GIGYF2: variants seen among roughly 807,000 people sequenced by gnomAD.
GIGYF2 encodes GRB10-interacting GYF protein 2.
GIGYF2 carries 25 observed loss-of-function variants against 208.1 expected under a neutral mutation model. The ratio of observed to expected loss-of-function variants is 0.12; its 90% CI spans 0.09 to 0.17. The LOEUF (loss-of-function observed/expected upper bound fraction) is 0.17. Among genes scored for constraint, GIGYF2 ranks in the 10% least tolerant of loss-of-function variants. The pLI, the probability that GIGYF2 is intolerant of heterozygous loss-of-function variation, is 1.00. For synonymous variants in GIGYF2, 534 were observed against 543.8 expected (o/e 0.98, Z 0.25); for missense variants, 1,302 against 1,579.4 (o/e 0.82, Z 2.98).
intron 21 of GIGYF2, among the ~76,000 whole-genome samples, chr2:232,827,152 C>T (rs1239139246): frequency 2.0e-5 from 3 of 146,582 alleles, no homozygotes; most frequent in Non-Finnish European, 1.5e-5. Context: ...GAAGCCAGTG[C>T]TCATTTACCA....
intron 2 of GIGYF2, among the ~76,000 whole-genome samples, chr2:232,734,726 C>T (rs1015379804): frequency 6.6e-6 from 1 of 152,098 alleles, no homozygotes; most frequent in African/African-American, 2.4e-5. Flanking sequence ...AAGGAGGGTC[C>T]TTATTTTAAT....
intron 2 of GIGYF2, among the ~76,000 whole-genome samples, chr2:232,715,861 G>T: frequency 6.8e-6 from 1 of 146,506 alleles, no homozygotes. Context: ...CTTAAACCAA[G>T]TTAAAGTTGA....
At chr2:232,715,595 G>C (rs1018068524) in intron 2 of GIGYF2, among the ~76,000 whole-genome samples, 1 of 151,166 alleles carries the variant, frequency 6.6e-6, no homozygotes, top group Non-Finnish European at 1.5e-5. Flanking sequence ...AAAAAAAAAA[G>C]TTCTTTGTTA....
Position 232,806,470 on chromosome 2 carries a change from G to A in GIGYF2, c.1640-21G>A. 1 of 1,551,330 alleles carries A rather than the reference G, an allele frequency of 6.4e-7. No homozygotes were observed. The highest frequency in any genetic ancestry group is 8.9e-7 in the Non-Finnish European group (1 of 1,122,728). ...CTGAAAGGTTTCTTATTGTCTTTCT[G>A]TTTAATTGGTGCTGTTATAGGTCCC... On this transcript the variant is annotated intron_variant, in intron 14 of 28. Coordinates refer to ENST00000373563, the MANE Select transcript of GIGYF2 (RefSeq NM_001103146.3). The surrounding 1 kb of genome is among the most constrained non-coding windows in gnomAD (Gnocchi z 4.0).
intron 2 of GIGYF2, chr2:232,734,271 G>A (rs1227394442): frequency 6.6e-6 from 1 of 151,814 alleles, no homozygotes; most frequent in Non-Finnish European, 1.5e-5. Context: ...CCATCGTCTA[G>A]GCTGGAGTGC....
At chr2:232,843,616 G>A (rs953390760) in intron 23 of GIGYF2, among the ~76,000 whole-genome samples, 15 of 149,710 alleles carry the variant, frequency 1.0e-4, no homozygotes, top group African/African-American at 3.2e-4. Context: ...GCTCATGCCT[G>A]TAATCCCAGC....
chr2:232,705,275 C>T (rs915127335), intron 2 of GIGYF2, among the ~76,000 whole-genome samples: 6 of 152,034 alleles, frequency 3.9e-5, no homozygotes, highest in Non-Finnish European at 7.4e-5. Flanking sequence ...TAGTGGGGAC[C>T]GTTACTTTTG....
chr2:232,858,695 C>A lies in GIGYF2; in HGVS notation c.*1835C>A. ...CTGCACTAAACTGTTCCTCTTGGTACCATGGAAAAGCTCCAAGCACCCAAG... is the reference window on the plus strand; with the variant it reads ...CTGCACTAAACTGTTCCTCTTGGTAACATGGAAAAGCTCCAAGCACCCAAG... On this transcript the variant is annotated 3_prime_UTR_variant, in exon 29 of 29. Transcript: ENST00000373563. 2.7e-6 allele frequency: 1 copy of A among 369,180 alleles called. No homozygotes were observed. The allele number at this position is 369,180 out of a possible 1,614,324, so 22.9% of individuals were successfully genotyped here.
Position 232,811,363 on chromosome 2 carries a change from T to A in GIGYF2, c.2006+12T>A. On this transcript the variant is annotated intron_variant, in intron 17 of 28. Coordinates refer to ENST00000373563, the MANE Select transcript of GIGYF2 (RefSeq NM_001103146.3). The stretch of plus-strand genomic sequence containing the variant: ...ACCTTGAAGATGAGGTTGGTGGTCA[T>A]TCCATTATGTGTCATATGGGGTGCA... 7.2e-7 allele frequency: 1 copy of A among 1,383,540 alleles called. No individual in the cohort carries two copies. Among genetic ancestry groups the A allele is most frequent in the South Asian group, 1.2e-5 (1 of 86,574 alleles). 85.7% of individuals were successfully genotyped at this position (1,383,540 alleles called of 1,614,324 possible).
rs906632008 is a variant in GIGYF2, at chr2:232,860,437, AAT to A, written c.*3587_*3588del. 6.7e-5 allele frequency: 10 copies of A among 149,062 alleles called. No homozygotes were observed. The highest frequency in any genetic ancestry group is 1.9e-4 in the East Asian group (1 of 5,156). The allele number at this position is 149,062 out of a possible 1,614,324, so 9.2% of individuals were successfully genotyped here. ...ATAAAAGTATATGTTTTACATTTTC[AAT>A]ATATATATAATATATACATATATGT... On this transcript the variant is annotated 3_prime_UTR_variant, in exon 29 of 29. Coordinates refer to ENST00000373563, the MANE Select transcript of GIGYF2 (RefSeq NM_001103146.3).
intron 28 of GIGYF2, among the ~76,000 whole-genome samples, chr2:232,852,276 T>A (rs1690372794): frequency 6.6e-6 from 1 of 152,086 alleles, no homozygotes; most frequent in Non-Finnish European, 1.5e-5. Context: ...CCAGACGCGG[T>A]GACTCACGCC....
chr2:232,808,891 GGA>G (rs2106382347), intron 15 of GIGYF2, among the ~76,000 whole-genome samples: 1 of 151,986 alleles, frequency 6.6e-6, no homozygotes, highest in African/African-American at 2.4e-5. Flanking sequence ...TTATTTTGGG[GGA>G]GAGAGTTATA....
At chr2:232,816,731 T>A (rs1050120199) in intron 19 of GIGYF2, 140 bp from the exon 20 acceptor site, 2 of 712,322 alleles carry the variant, frequency 2.8e-6, no homozygotes, top group South Asian at 3.0e-5. Context: ...TTTGTTTATC[T>A]ATTGATCTGT....
intron 2 of GIGYF2, chr2:232,729,544 C>T: frequency 7.5e-7 from 1 of 1,337,020 alleles, no homozygotes; most frequent in East Asian, 2.4e-5. Flanking sequence ...TGAAAGCAGC[C>T]ACATCCATGG....
intron 2 of GIGYF2, among the ~76,000 whole-genome samples, chr2:232,724,142 G>T (rs543876609): frequency 6.1e-4 from 92 of 151,128 alleles, no homozygotes; most frequent in Middle Eastern, 3.5e-3. Context: ...CCGGGTTCAA[G>T]TGATTCTCCT....
intron 2 of GIGYF2, among the ~76,000 whole-genome samples, chr2:232,717,139 A>G (rs997475869): frequency 1.3e-5 from 2 of 152,066 alleles, no homozygotes; most frequent in African/African-American, 4.8e-5. Flanking sequence ...TTGCTAAAGC[A>G]TTTATGATTT....
chr2:232,851,165 T>A (rs987776504), intron 28 of GIGYF2, among the ~76,000 whole-genome samples: 4 of 152,010 alleles, frequency 2.6e-5, no homozygotes, highest in African/African-American at 9.7e-5. Flanking sequence ...TAAAAAAAAT[T>A]TTAAAAACAG....
intron 21 of GIGYF2, among the ~76,000 whole-genome samples, chr2:232,827,466 T>TA (rs1391705966): frequency 6.6e-6 from 1 of 152,220 alleles, no homozygotes; most frequent in Non-Finnish European, 1.5e-5. Context: ...ATTATGTGGC[T>TA]AATCGGGTTG....
At chr2:232,796,311 T>A in intron 14 of GIGYF2, 90 bp downstream of exon 14, 1 of 902,492 alleles carries the variant, frequency 1.1e-6, no homozygotes, top group South Asian at 1.3e-5. Context: ...TAAATTATAG[T>A]AGAAAAAGAA....
Sources: allele counts gnomAD v4.1 joint callset (sites outside exome capture counted in the v4.1 genomes callset), GRCh38; gene constraint gnomAD v4.1.1; non-coding constraint Gnocchi (gnomAD v3.1); transcripts MANE v1.5; gene names NCBI Gene and HGNC (gene_info 2026-07-23, HGNC 2026-07-21).